CHRDL1: variants seen among roughly 807,000 people sequenced by gnomAD.
The protein encoded by CHRDL1 is chordin-like protein 1.
CHRDL1 carries 19 observed loss-of-function variants against 40.9 expected under a neutral mutation model. That is an observed-to-expected ratio of 0.46 (90% confidence interval 0.32 to 0.68). CHRDL1 has a LOEUF of 0.68. Among genes scored for constraint, CHRDL1 ranks in the 30% least tolerant of loss-of-function variants. CHRDL1 has a pLI of 0.03. For synonymous variants in CHRDL1, 136 were observed against 123.4 expected (o/e 1.10, Z -0.68); for missense variants, 329 against 352.1 (o/e 0.93, Z 0.53).
rs1287431066 is a variant in CHRDL1, at chrX:110,674,394, A to G, written c.*1837T>C. ...TTAGGATCTAGTTACTAGTCTCCAC[A>G]TTATGGAATCACTGCCACCTCTGGG... On this transcript the variant is annotated 3_prime_UTR_variant, in exon 12 of 12. Transcript: ENST00000372042. 1.8e-5 allele frequency: 2 copies of G among 108,901 alleles called. No homozygotes were observed. Among genetic ancestry groups the G allele is most frequent in the Non-Finnish European group, 3.8e-5 (2 of 52,525 alleles). 9.0% of individuals were successfully genotyped at this position (108,901 alleles called of 1,213,427 possible).
chrX:110,711,935 G>T (rs947865193), intron 6 of CHRDL1, among the ~76,000 whole-genome samples: 4 of 111,852 alleles, frequency 3.6e-5, no homozygotes, highest in African/African-American at 1.3e-4. Context: ...TTTTCTCCCT[G>T]GGCTCATTTG....
intron 11 of CHRDL1, among the ~76,000 whole-genome samples, chrX:110,677,377 A>G (rs146869449): frequency 3.6e-3 from 399 of 111,573 alleles, no homozygotes; most frequent in Middle Eastern, 9.3e-3. Context: ...CACATTATAT[A>G]AAAGAGTTGG....
chrX:110,701,033 T>C (rs1254393546), intron 6 of CHRDL1, among the ~76,000 whole-genome samples: 1 of 112,272 alleles, frequency 8.9e-6, no homozygotes, highest in African/African-American at 3.2e-5. Flanking sequence ...CTCATTTTAC[T>C]TCGTGACAGT....
chrX:110,726,207 G>T (rs1328436592), intron 4 of CHRDL1, among the ~76,000 whole-genome samples: 1 of 111,716 alleles, frequency 9.0e-6, no homozygotes, highest in Non-Finnish European at 1.9e-5. Flanking sequence ...CAGCTGCTAT[G>T]ATCTGAATAT....
chrX:110,753,422 G>A (rs2148500110), intron 4 of CHRDL1, among the ~76,000 whole-genome samples: 1 of 112,128 alleles, frequency 8.9e-6, no homozygotes, highest in African/African-American at 3.2e-5. Context: ...GAGTGACTGT[G>A]TAATAGGTTT....
intron 4 of CHRDL1, among the ~76,000 whole-genome samples, chrX:110,756,617 C>T (rs1239626451): frequency 1.8e-5 from 2 of 111,280 alleles, no homozygotes; most frequent in Non-Finnish European, 3.8e-5. Context: ...TAATATATGA[C>T]CTGGTTTAGA....
At chrX:110,705,457 C>CAT (rs2070616480) in intron 6 of CHRDL1, among the ~76,000 whole-genome samples, 1 of 2,224 alleles carries the variant, frequency 4.5e-4, no homozygotes, top group South Asian at 0.018. Context: ...ACCTGTATTA[C>CAT]ATATATATAT....
rs983271760 is a variant in CHRDL1, at chrX:110,792,259, G to A, written c.-34-44C>T. 1.1e-5 allele frequency: 6 copies of A among 555,169 alleles called. No homozygotes were observed. The African/African-American group carries it at 1.2e-4, about 11-fold the overall frequency. 45.8% of individuals were successfully genotyped at this position (555,169 alleles called of 1,213,427 possible). ...AAAAAAGACTTAACACAGATCTTCT[G>A]GAAATGATAGAGGTCACTGATGCTC... On this transcript the variant is annotated intron_variant, in intron 1 of 11. Transcript: ENST00000372042.
intron 4 of CHRDL1, among the ~76,000 whole-genome samples, chrX:110,748,523 T>A (rs926389742): frequency 8.9e-6 from 1 of 111,907 alleles, no homozygotes; most frequent in African/African-American, 3.3e-5. Flanking sequence ...AAAGACAGTG[T>A]GGTCTCTGGA....
At chrX:110,794,791 T>A (rs1453329614) in intron 1 of CHRDL1, among the ~76,000 whole-genome samples, 2 of 112,226 alleles carry the variant, frequency 1.8e-5, no homozygotes, top group African/African-American at 3.3e-5. Context: ...GTCTCTTTAA[T>A]CCTCCTGAGA....
At chrX:110,698,050 G>A (rs1321096912) in intron 7 of CHRDL1, among the ~76,000 whole-genome samples, 4 of 111,483 alleles carry the variant, frequency 3.6e-5, no homozygotes, top group African/African-American at 9.8e-5. Flanking sequence ...AGACCACCTG[G>A]CAAAAGAAAC....
At chrX:110,689,440 CTATATATA>C (rs1323117091) in intron 8 of CHRDL1, among the ~76,000 whole-genome samples, 2 of 57,817 alleles carry the variant, frequency 3.5e-5, no homozygotes, top group Non-Finnish European at 5.1e-5. Flanking sequence ...ATCTATATAT[CTATATATA>C]TCTATATATC....
At chrX:110,747,245 G>A (rs755645862) in intron 4 of CHRDL1, among the ~76,000 whole-genome samples, 1 of 110,829 alleles carries the variant, frequency 9.0e-6, no homozygotes, top group East Asian at 2.8e-4. Flanking sequence ...CCAATACACT[G>A]TGCACTCTAC....
chrX:110,709,189 G>T (rs1214499367), intron 6 of CHRDL1, among the ~76,000 whole-genome samples: 2 of 112,461 alleles, frequency 1.8e-5, no homozygotes, highest in African/African-American at 6.5e-5. Context: ...AAAGCATTTA[G>T]AATTGTGCTT....
intron 3 of CHRDL1, among the ~76,000 whole-genome samples, chrX:110,761,909 T>A (rs1441594446): frequency 3.6e-5 from 4 of 112,573 alleles, no homozygotes. Flanking sequence ...GGAGCTCTAA[T>A]CCTTAAGAGG....
At chrX:110,681,680 A>G (rs1322636235) in intron 9 of CHRDL1, 31 bp from the exon 10 acceptor site, 2 of 1,121,801 alleles carry the variant, frequency 1.8e-6, no homozygotes, top group South Asian at 1.9e-5. Flanking sequence ...GAATTTTGTC[A>G]TGGTTTTCTA....
intron 2 of CHRDL1, among the ~76,000 whole-genome samples, chrX:110,766,533 G>A (rs1038182467): frequency 1.8e-5 from 2 of 111,137 alleles, no homozygotes; most frequent in African/African-American, 6.5e-5. Flanking sequence ...ACTGAAATAC[G>A]AAAGATCATT....
intron 6 of CHRDL1, among the ~76,000 whole-genome samples, chrX:110,705,270 A>G (rs2070600170): frequency 2.1e-5 from 2 of 96,437 alleles, no homozygotes; most frequent in African/African-American, 7.9e-5. Context: ...TTCATTAAAA[A>G]GTAATGGAGA....
chrX:110,719,007 G>A (rs1190131361), intron 6 of CHRDL1, among the ~76,000 whole-genome samples: 1 of 111,520 alleles, frequency 9.0e-6, no homozygotes, highest in African/African-American at 3.3e-5. Context: ...GATGCCATAT[G>A]GTCTAGCACC....
Sources: gnomAD v4.1 joint callset for allele counts (sites outside exome capture counted in the v4.1 genomes callset) on GRCh38, gnomAD v4.1.1 for gene constraint, MANE v1.5 for transcripts, NCBI Gene and HGNC (gene_info 2026-07-23, HGNC 2026-07-21) for gene names.